The following RESF1 variants were observed in gnomAD, a reference collection of about 807,000 sequenced individuals.
RESF1 encodes gonad expressed transcript.
In RESF1, 65 loss-of-function variants were observed where a neutral mutation model predicts 134.7. That is an observed-to-expected ratio of 0.48 (90% CI 0.40 to 0.59). The LOEUF is 0.59. Among genes scored for constraint, RESF1 ranks in the 20% least tolerant of loss-of-function variants. The pLI is 0.00. For synonymous variants in RESF1, 762 were observed against 702.2 expected (o/e 1.09, Z -1.35); for missense variants, 2,274 against 2,002.7 (o/e 1.14, Z -2.59).
chr12:31,983,550 T>G lies in RESF1; in HGVS notation c.2595T>G (p.Ala865=). The G allele has an allele frequency of 6.2e-7, 1 of 1,614,166 alleles. No homozygotes were observed. The highest frequency in any genetic ancestry group is 1.1e-5 in the South Asian group (1 of 91,084). The change falls in exon 4 of 6, where the codon GCT becomes GCG. Residue 865 remains alanine (A), a synonymous_variant. Transcript: ENST00000312561. ...NQGKHNKLES[A]IHSPMNDQQI... is the part of the protein sequence containing the mutation. The stretch of plus-strand genomic sequence containing the variant: ...GAAAGCATAACAAATTAGAGTCAGC[T>G]ATCCATTCTCCTATGAACGATCAGC...
Position 31,960,070 on chromosome 12 carries a change from C to T in RESF1, c.-342+579C>T, listed in dbSNP as rs559407410. Among the ~76,000 whole-genome samples, 3 of 152,076 alleles carry T rather than the reference C, an allele frequency of 2.0e-5. No homozygotes were observed. The South Asian group carries it at 6.2e-4, about 32-fold the overall frequency. Reference sequence around the variant, plus strand: ...TACTGGCATCTATCTCCAAGTGGTCCGCGAACGCTTCTGCGCCGGCGATGG... The same window carrying T: ...TACTGGCATCTATCTCCAAGTGGTCTGCGAACGCTTCTGCGCCGGCGATGG... On this transcript the variant is annotated intron_variant, in intron 1 of 5. Transcript: ENST00000312561.
At position 31,981,817 on chromosome 12, in the gene RESF1, A is replaced by G; in HGVS notation, c.862A>G (p.Ser288Gly). ...TCCTCCTTACAACTGTAGATATGGA[A>G]GCCAGCCTTTGCAAAGTACTCAGCA... ...PPPPYNCRYG[S>G]QPLQSTQHIT... Residue 288 changes from serine to glycine, a missense_variant, in exon 4 of 6, where the codon AGC (serine) becomes GGC (glycine). Transcript: ENST00000312561. 6.2e-7 allele frequency: 1 copy of G among 1,614,088 alleles called. No homozygotes were observed. Among genetic ancestry groups the G allele is most frequent in the Non-Finnish European group, 8.5e-7 (1 of 1,180,040 alleles).
Position 31,984,109 on chromosome 12 carries a change from C to G in RESF1, c.3154C>G (p.His1052Asp). The G allele has an allele frequency of 6.2e-7, 1 of 1,613,574 alleles. No homozygotes were observed. Among genetic ancestry groups the G allele is most frequent in the Non-Finnish European group, 8.5e-7 (1 of 1,179,876 alleles). ...HSDKAPVLYLHDQLSELLKEF... is the reference protein window; with the variant it reads ...HSDKAPVLYLDDQLSELLKEF... The stretch of plus-strand genomic sequence containing the variant: ...TGATAAGGCACCTGTCTTATACCTA[C>G]ATGACCAGCTGTCAGAACTTCTAAA... The change falls in exon 4 of 6, where the codon CAT becomes GAT. Residue 1052 changes from histidine to aspartate, a missense_variant. His to Asp is a moderately conservative substitution (Grantham distance 81). Transcript: ENST00000312561.
chr12:31,959,781 A>C (rs1188885371), intron 1 of RESF1: 1 of 151,862 alleles, frequency 6.6e-6, no homozygotes, highest in African/African-American at 2.4e-5. Flanking sequence ...CGAGCCTTGC[A>C]CCGGAGGGCG....
At position 31,985,210 on chromosome 12, in the gene RESF1, A is replaced by G. The variant is rs1939936673; in HGVS notation, c.4255A>G (p.Ile1419Val). The G allele has an allele frequency of 2.5e-6, 4 of 1,584,236 alleles. No individual in the cohort carries two copies. Among genetic ancestry groups the G allele is most frequent in the Admixed American group, 2.0e-5 (1 of 50,806 alleles). The change falls in exon 4 of 6, where the codon ATT (isoleucine) becomes GTT (valine). Residue 1419 changes from isoleucine to valine, a missense_variant. Transcript: ENST00000312561. ...TTTGTCAAACCCAAACGAAAGAGCC[A>G]TTGTTAAAGAAAAGATGGTATCAAA... ...DSLSNPNERA[I>V]VKEKMVSNTK...
intron 1 of RESF1, 105 bp from the exon 2 acceptor site, chr12:31,960,672 T>C (rs552958930): frequency 6.6e-6 from 1 of 152,318 alleles, no homozygotes; most frequent in Admixed American, 6.5e-5. Flanking sequence ...CTTAGCATGC[T>C]TTCAGTGCAG....
intron 3 of RESF1, among the ~76,000 whole-genome samples, chr12:31,979,714 ATT>A (rs766734847): frequency 2.1e-5 from 3 of 142,896 alleles, no homozygotes; most frequent in Non-Finnish European, 3.1e-5. Flanking sequence ...TGACGGGGTA[ATT>A]TTTTTTTTTT....
At chr12:31,964,159 G>T (rs1244497944) in intron 2 of RESF1, among the ~76,000 whole-genome samples, 1 of 151,888 alleles carries the variant, frequency 6.6e-6, no homozygotes, top group Non-Finnish European at 1.5e-5. Flanking sequence ...TTATGTTTGG[G>T]GGTACGTGTG....
At chr12:31,966,736 A>G (rs968399966) in intron 2 of RESF1, among the ~76,000 whole-genome samples, 1 of 152,216 alleles carries the variant, frequency 6.6e-6, no homozygotes, top group African/African-American at 2.4e-5. Context: ...AGGTGTGATC[A>G]TCCTGCTGGG....
chr12:31,977,306 G>A (rs1939657810), intron 3 of RESF1, among the ~76,000 whole-genome samples: 3 of 152,020 alleles, frequency 2.0e-5, no homozygotes, highest in South Asian at 4.2e-4. Context: ...TCAGCCTCAC[G>A]AGTAGCTGGG....
chr12:31,965,898 A>AG (rs1271518033), intron 2 of RESF1, among the ~76,000 whole-genome samples: 1 of 151,842 alleles, frequency 6.6e-6, no homozygotes, highest in Non-Finnish European at 1.5e-5. Context: ...TCAAAAAAAA[A>AG]AAAAAAAAAG....
chr12:31,965,159 G>A (rs1027421079), intron 2 of RESF1, among the ~76,000 whole-genome samples: 1 of 152,176 alleles, frequency 6.6e-6, no homozygotes, highest in African/African-American at 2.4e-5. Flanking sequence ...GTTTCACCAT[G>A]TTGGCCAGGC....
intron 4 of RESF1, 35 bp from the exon 5 acceptor site, chr12:31,987,203 CA>C: frequency 8.7e-7 from 1 of 1,145,956 alleles, no homozygotes; most frequent in Non-Finnish European, 1.3e-6. Flanking sequence ...AGATGATTAG[CA>C]ATATCTAGAG....
chr12:31,983,249 C>T lies in RESF1; in HGVS notation c.2294C>T (p.Pro765Leu), dbSNP rs768682003. The T allele has an allele frequency of 3.7e-6, 6 of 1,611,670 alleles. No individual in the cohort carries two copies. Among genetic ancestry groups the T allele is most frequent in the African/African-American group, 1.3e-5 (1 of 74,944 alleles). Residue 765 changes from proline (P) to leucine (L), a missense_variant, in exon 4 of 6, where the codon CCG (proline) becomes CTG (leucine). Transcript: ENST00000312561. The part of the protein sequence containing the change: ...GTELQIAVVS[P>L]LVLSEVKTLS... ...GAACTTCAGATAGCTGTAGTGTCAC[C>T]GTTAGTTCTGTCAGAGGTCAAAACA...
rs144662499 is a variant in RESF1 at position 31,985,698 on chromosome 12, T to C, written c.4743T>C (p.Tyr1581=). ...PPQVKDQKKL[Y]LNRVGFKCTE... is the part of the protein sequence containing the mutation. The stretch of plus-strand genomic sequence containing the variant: ...AAGTAAAGGATCAAAAGAAATTATA[T>C]CTGAATAGAGTTGGGTTTAAATGCA... The change falls in exon 4 of 6, where the codon TAT becomes TAC. Residue 1581 remains tyrosine, a synonymous_variant. Transcript: ENST00000312561. The C allele has an allele frequency of 5.0e-6, 8 of 1,610,928 alleles. No homozygotes were observed. The African/African-American group carries it at 1.1e-4, about 22-fold the overall frequency.
In RESF1 at chr12:31,985,603, A is replaced by T; in HGVS notation, c.4648A>T (p.Ile1550Phe). ...VGGKQPDKIW[I>F]DKTKLDKLTN... ...TGGGAAGCAGCCTGATAAAATATGGATTGATAAGACTAAATTAGACAAATT... is the reference window on the plus strand; with the variant it reads ...TGGGAAGCAGCCTGATAAAATATGGTTTGATAAGACTAAATTAGACAAATT... The change falls in exon 4 of 6, where the codon ATT (isoleucine) becomes TTT (phenylalanine). Residue 1550 changes from isoleucine to phenylalanine, a missense_variant. Transcript: ENST00000312561. 6.2e-7 allele frequency: 1 copy of T among 1,604,752 alleles called. No individual in the cohort carries two copies. The highest frequency in any genetic ancestry group is 1.1e-5 in the South Asian group (1 of 88,534).
Position 31,985,140 on chromosome 12 carries a change from A to G in RESF1, c.4185A>G (p.Gln1395=), listed in dbSNP as rs778932829. 2.6e-6 allele frequency: 4 copies of G among 1,549,868 alleles called. No individual in the cohort carries two copies. The highest frequency in any genetic ancestry group is 8.6e-7 in the Non-Finnish European group (1 of 1,156,590). ...TAAAGAAAAAGAAACATGATAAACAAGAACAGAAAGGAAGTGTGGGAGCTA... is the reference window on the plus strand; with the variant it reads ...TAAAGAAAAAGAAACATGATAAACAGGAACAGAAAGGAAGTGTGGGAGCTA... The part of the protein sequence containing the change: ...MEVKKKKHDK[Q]EQKGSVGATF... Residue 1395 remains glutamine, a synonymous_variant, in exon 4 of 6, where the codon CAA becomes CAG. Transcript: ENST00000312561.
intron 2 of RESF1, among the ~76,000 whole-genome samples, chr12:31,968,701 G>T (rs1045865077): frequency 1.3e-5 from 2 of 152,150 alleles, no homozygotes; most frequent in Non-Finnish European, 2.9e-5. Flanking sequence ...GCCCGCCTCT[G>T]CCTCCCAAAG....
At chr12:31,972,646 C>T (rs1036194448) in intron 3 of RESF1, among the ~76,000 whole-genome samples, 1 of 150,172 alleles carries the variant, frequency 6.7e-6, no homozygotes, top group Non-Finnish European at 1.5e-5. Flanking sequence ...TCTTGCAGGA[C>T]TGAGCCCTAA....
Sources: gnomAD v4.1 joint callset for allele counts (sites outside exome capture counted in the v4.1 genomes callset) on GRCh38, gnomAD v4.1.1 for gene constraint, MANE v1.5 for transcripts, NCBI Gene and HGNC (gene_info 2026-07-23, HGNC 2026-07-21) for gene names.